ABHD12: variants seen among roughly 807,000 people sequenced by gnomAD.
The protein encoded by ABHD12 is lysophosphatidylserine lipase ABHD12.
Under a neutral mutation model 58.3 loss-of-function variants are expected in ABHD12, and 43 were observed. The ratio of observed to expected loss-of-function variants is 0.74; its 90% confidence interval spans 0.58 to 0.95. The LOEUF is 0.95. Ranked by LOEUF, ABHD12 falls within the 40% of genes least tolerant of loss-of-function variation. The pLI, the probability that ABHD12 is intolerant of heterozygous loss-of-function variation, is 0.00. For missense variants in ABHD12, 539 were observed against 537.2 expected, an observed-to-expected ratio of 1.00 and a Z score of -0.03; for synonymous variants, 219 against 211.2, an observed-to-expected ratio of 1.04 and a Z score of -0.32.
chr20:25,361,359 T>C (rs942425660), intron 1 of ABHD12, among the ~76,000 whole-genome samples: 1 of 152,228 alleles, frequency 6.6e-6, no homozygotes, highest in Non-Finnish European at 1.5e-5. Flanking sequence ...TGTCTCTCAG[T>C]AAAGTTTAAT....
chr20:25,311,162 G>A (rs1050438791), intron 6 of ABHD12, among the ~76,000 whole-genome samples: 10 of 152,196 alleles, frequency 6.6e-5, no homozygotes, highest in Non-Finnish European at 1.0e-4. Flanking sequence ...ACTTGTGAAC[G>A]CGTTGGGTCA....
At chr20:25,341,363 T>C (rs2089451904) in intron 1 of ABHD12, among the ~76,000 whole-genome samples, 2 of 152,234 alleles carry the variant, frequency 1.3e-5, no homozygotes, top group African/African-American at 4.8e-5. Context: ...AAGAGTTAAC[T>C]AGATGATGGG....
intron 1 of ABHD12, among the ~76,000 whole-genome samples, chr20:25,350,638 T>C (rs2089585650): frequency 6.6e-6 from 1 of 152,194 alleles, no homozygotes; most frequent in African/African-American, 2.4e-5. Context: ...TATGTGTTTA[T>C]TAGCAGCGTG....
At chr20:25,348,439 C>G (rs1158207037) in intron 1 of ABHD12, among the ~76,000 whole-genome samples, 1 of 119,228 alleles carries the variant, frequency 8.4e-6, no homozygotes, top group Non-Finnish European at 1.7e-5. Flanking sequence ...TGACACAAAC[C>G]ATTTGGTAAA....
chr20:25,318,904 G>A (rs553403093), intron 4 of ABHD12, among the ~76,000 whole-genome samples: 3 of 152,302 alleles, frequency 2.0e-5, no homozygotes, highest in Admixed American at 2.0e-4. Context: ...CGCTTCACGG[G>A]CCATGCCGCC....
intron 11 of ABHD12, 80 bp from the exon 12 acceptor site, chr20:25,302,426 C>T: frequency 6.3e-7 from 1 of 1,577,990 alleles, no homozygotes. Context: ...TTGGCAGCCT[C>T]CCCTTCAATA....
intron 1 of ABHD12, among the ~76,000 whole-genome samples, chr20:25,357,059 T>C (rs2089678586): frequency 6.6e-6 from 1 of 152,190 alleles, no homozygotes. Flanking sequence ...CGATATTTCC[T>C]TCCCAGACTC....
Position 25,320,461 on chromosome 20 carries a change from G to A in ABHD12, c.423-143C>T, listed in dbSNP as rs1008345947. ...CATCTAACTACAGGGGAACAGATGG[G>A]GGTGGGTGGTAGAAAACTATCCCCA... On this transcript the variant is annotated intron_variant, in intron 3 of 12. Transcript: ENST00000339157. 1.2e-5 allele frequency: 13 copies of A among 1,110,392 alleles called. 1 individual carries two copies. The Admixed American group carries it at 2.5e-4, about 22-fold the overall frequency. The allele number at this position is 1,110,392 out of a possible 1,614,324, so 68.8% of individuals were successfully genotyped here.
chr20:25,361,694 G>A (rs1336899900), intron 1 of ABHD12, among the ~76,000 whole-genome samples: 3 of 152,326 alleles, frequency 2.0e-5, no homozygotes, highest in Middle Eastern at 3.4e-3. Flanking sequence ...GGTGGCTCAC[G>A]CCTGTAATCC....
rs2088615252 is a variant in ABHD12, at chr20:25,300,499, C to T, written c.*346G>A. 1.5e-6 allele frequency: 2 copies of T among 1,292,740 alleles called. No individual in the cohort carries two copies. The highest frequency in any genetic ancestry group is 3.0e-5 in the African/African-American group (2 of 66,230). 80.1% of individuals were successfully genotyped at this position (1,292,740 alleles called of 1,614,324 possible). ...AAAAGCTCAGCATGGTCCCGAGCCC[C>T]AAGAGTCCCCTGCCCGGACTCCCCC... On this transcript the variant is annotated 3_prime_UTR_variant, in exon 13 of 13. Transcript: ENST00000339157.
intron 1 of ABHD12, chr20:25,368,426 C>G (rs2089853540): frequency 6.3e-7 from 1 of 1,598,850 alleles, no homozygotes; most frequent in African/African-American, 1.3e-5. Flanking sequence ...CTTGGCAGTG[C>G]AGATGAAAAA....
chr20:25,366,454 T>C (rs931816241), intron 1 of ABHD12, among the ~76,000 whole-genome samples: 22 of 152,058 alleles, frequency 1.4e-4, no homozygotes, highest in African/African-American at 5.3e-4. Context: ...TTAGTAGAGA[T>C]GGGGTTTCTC....
intron 1 of ABHD12, among the ~76,000 whole-genome samples, chr20:25,373,811 A>G (rs151101378): frequency 6.6e-6 from 1 of 152,266 alleles, no homozygotes; most frequent in African/African-American, 2.4e-5. Context: ...CCAAGCTTGT[A>G]AAGTTTCTGG....
At chr20:25,379,842 C>T (rs534081402) in intron 1 of ABHD12, among the ~76,000 whole-genome samples, 1 of 152,164 alleles carries the variant, frequency 6.6e-6, no homozygotes, top group Admixed American at 6.5e-5. Context: ...ATCATGCACG[C>T]CATGCCTGGC....
intron 3 of ABHD12, among the ~76,000 whole-genome samples, chr20:25,322,381 A>ATATATATTTT: frequency 5.1e-5 from 3 of 59,268 alleles, no homozygotes; most frequent in African/African-American, 2.5e-4. Context: ...ATATATATAT[A>ATATATATTTT]TTTTTTTTTT....
chr20:25,310,890 A>G (rs2088837287), intron 6 of ABHD12, among the ~76,000 whole-genome samples: 1 of 152,218 alleles, frequency 6.6e-6, no homozygotes. Context: ...ACTGAAACAG[A>G]AAGTGCTGCG....
At chr20:25,339,530 G>C (rs1399859611) in intron 1 of ABHD12, 179 bp from the exon 2 acceptor site, 34 of 1,387,014 alleles carry the variant, frequency 2.5e-5, no homozygotes, top group Non-Finnish European at 3.3e-5. Flanking sequence ...ATTTTACATA[G>C]TCTTTTAATT....
At position 25,339,698 on chromosome 20, in the gene ABHD12, G is replaced by A. The variant is rs201531500; in HGVS notation, c.192-347C>T. ...GACATCAGACCCCAGCTGTAACCTC[G>A]TATCAGGAAAGAGCGGCCTCCTCAG... is the stretch of plus-strand genomic sequence containing the variant. On this transcript the variant is annotated intron_variant, in intron 1 of 12. Transcript: ENST00000339157. The A allele has an allele frequency of 2.8e-5, 39 of 1,373,840 alleles. No homozygotes were observed. The Admixed American group carries it at 3.2e-4, about 11-fold the overall frequency. 85.1% of individuals were successfully genotyped at this position (1,373,840 alleles called of 1,614,324 possible). A position where few individuals can be genotyped will look rare whatever the true frequency, so the allele number is the denominator to read the frequency against.
intron 1 of ABHD12, among the ~76,000 whole-genome samples, chr20:25,359,444 A>C (rs1656747585): frequency 2.0e-5 from 1 of 51,182 alleles, no homozygotes; most frequent in Non-Finnish European, 6.1e-5. Context: ...AAAAAAAAAA[A>C]ACATTTCTAT....
Sources: gnomAD v4.1 joint callset for allele counts (sites outside exome capture counted in the v4.1 genomes callset) on GRCh38, gnomAD v4.1.1 for gene constraint, MANE v1.5 for transcripts, NCBI Gene and HGNC (gene_info 2026-07-23, HGNC 2026-07-21) for gene names.